C2orf80: variants seen among roughly 807,000 people sequenced by gnomAD.
C2orf80 encodes chromosome 2 open reading frame 80.
C2orf80 carries 28 observed loss-of-function variants against 30.2 expected under a neutral mutation model. That is an observed-to-expected ratio of 0.93 (90% CI 0.69 to 1.27). The LOEUF (loss-of-function observed/expected upper bound fraction) is 1.27. Among genes scored for constraint, C2orf80 ranks in the 50% most tolerant of loss-of-function variants. The probability of loss-of-function intolerance (pLI) is 0.00; values close to 1 mark genes in which losing one functional copy is unlikely to be tolerated. For synonymous variants in C2orf80, 80 were observed against 76.4 expected (o/e 1.05, Z -0.24); for missense variants, 220 against 231.0 (o/e 0.95, Z 0.31).
At chr2:208,166,485 A>G (rs564892048) in intron 8 of C2orf80, among the ~76,000 whole-genome samples, 96 of 152,334 alleles carry the variant, frequency 6.3e-4, no homozygotes, top group Non-Finnish European at 1.1e-3. Context: ...TTGGCCTTTT[A>G]GCAGTTATGT....
chr2:208,187,125 A>T, intron 1 of C2orf80, 64 bp from the exon 2 acceptor site: 1 of 755,946 alleles, frequency 1.3e-6, no homozygotes, highest in Admixed American at 2.5e-5. Flanking sequence ...CCAGTCATGG[A>T]GTCCTAGGCT....
At chr2:208,176,398 A>T (rs1017699948) in intron 6 of C2orf80, among the ~76,000 whole-genome samples, 4 of 151,936 alleles carry the variant, frequency 2.6e-5, no homozygotes, top group Admixed American at 6.6e-5. Context: ...CTGGCCTCGA[A>T]CTCCTGACCT....
chr2:208,176,730 G>A (rs548057172), intron 6 of C2orf80, among the ~76,000 whole-genome samples: 4 of 151,944 alleles, frequency 2.6e-5, no homozygotes, highest in South Asian at 4.1e-4. Context: ...GAATTACAGA[G>A]GTTAGAACAT....
At chr2:208,183,818 C>A (rs1696635982) in intron 3 of C2orf80, among the ~76,000 whole-genome samples, 2 of 152,210 alleles carry the variant, frequency 1.3e-5, no homozygotes, top group South Asian at 2.1e-4. Context: ...AGAACCAATG[C>A]GGAGGCTTAT....
intron 4 of C2orf80, among the ~76,000 whole-genome samples, 187 bp from the exon 5 acceptor site, chr2:208,181,492 T>A (rs1366035789): frequency 6.6e-6 from 1 of 152,196 alleles, no homozygotes; most frequent in Non-Finnish European, 1.5e-5. Context: ...AATCTTCCAA[T>A]AATGGTGATG....
At chr2:208,187,789 T>G (rs993443595) in intron 1 of C2orf80, among the ~76,000 whole-genome samples, 2 of 151,026 alleles carry the variant, frequency 1.3e-5, no homozygotes, top group African/African-American at 2.4e-5. Context: ...TTTCTGGTGT[T>G]TTTTTTTTAA....
At chr2:208,176,270 G>T (rs1453034529) in intron 6 of C2orf80, among the ~76,000 whole-genome samples, 1 of 152,010 alleles carries the variant, frequency 6.6e-6, no homozygotes, top group Non-Finnish European at 1.5e-5. Context: ...CTGCCTCCTG[G>T]GTTCCAGCAA....
At chr2:208,181,753 T>TGTC (rs1373695841) in intron 4 of C2orf80, among the ~76,000 whole-genome samples, 1 of 152,090 alleles carries the variant, frequency 6.6e-6, no homozygotes, top group Non-Finnish European at 1.5e-5. Context: ...GCGCTGCCAC[T>TGTC]GTCCAACCCT....
chr2:208,177,519 C>T (rs980727320), intron 6 of C2orf80, among the ~76,000 whole-genome samples: 2 of 151,796 alleles, frequency 1.3e-5, no homozygotes, highest in African/African-American at 2.4e-5. Context: ...CCAGCCTGGG[C>T]AACAATAGGG....
At chr2:208,181,126 T>C in intron 5 of C2orf80, 92 bp downstream of exon 5, 1 of 966,450 alleles carries the variant, frequency 1.0e-6, no homozygotes, top group Non-Finnish European at 1.6e-6. Flanking sequence ...TTAGAAACAT[T>C]GGTTGAAAAA....
In C2orf80 at chr2:208,165,646, T is replaced by C. The variant is rs1574350182; in HGVS notation, c.*161A>G. 1.1e-6 allele frequency: 1 copy of C among 884,504 alleles called. No homozygotes were observed. Among genetic ancestry groups the C allele is most frequent in the Non-Finnish European group, 1.7e-6 (1 of 601,982 alleles). The allele number at this position is 884,504 out of a possible 1,614,324, so 54.8% of individuals were successfully genotyped here. ...AAAATGTAGCCATGCAATATGCTTC[T>C]AAAAGAAGAAAGCTCAACATCAAAA... On this transcript the variant is annotated 3_prime_UTR_variant, in exon 9 of 9. Transcript: ENST00000341287.
intron 6 of C2orf80, among the ~76,000 whole-genome samples, chr2:208,174,072 C>T (rs1316969806): frequency 6.6e-6 from 1 of 152,104 alleles, no homozygotes; most frequent in African/African-American, 2.4e-5. Context: ...CCCATCTCGA[C>T]CTCCCAAGAA....
intron 6 of C2orf80, among the ~76,000 whole-genome samples, chr2:208,176,974 TATA>T (rs1559340673): frequency 4.5e-4 from 34 of 76,324 alleles, no homozygotes; most frequent in African/African-American, 1.4e-3. Context: ...TGTATACATA[TATA>T]CAGAAATGTA....
Position 208,184,941 on chromosome 2 carries a change from C to T in C2orf80, c.123+10G>A, listed in dbSNP as rs367613853. 11 of 1,610,664 alleles carry T rather than the reference C, an allele frequency of 6.8e-6. No individual in the cohort carries two copies. The African/African-American group carries it at 1.1e-4, about 16-fold the overall frequency. ...ACAAATATGACTCGCATCAGCGTGC[C>T]TTTCTTTACCATATCATCTAGAAAG... On this transcript the variant is annotated intron_variant, in intron 3 of 8. Coordinates refer to ENST00000341287, the MANE Select transcript of C2orf80 (RefSeq NM_001099334.3).
chr2:208,181,954 G>T (rs952215223), intron 4 of C2orf80, among the ~76,000 whole-genome samples: 1 of 152,120 alleles, frequency 6.6e-6, no homozygotes, highest in Non-Finnish European at 1.5e-5. Flanking sequence ...CCTACCCATG[G>T]ACTTTTCAGA....
chr2:208,176,841 A>G (rs995403582), intron 6 of C2orf80, among the ~76,000 whole-genome samples: 1 of 146,022 alleles, frequency 6.8e-6, no homozygotes, highest in Non-Finnish European at 1.5e-5. Context: ...CCTGCCTCTC[A>G]GATAATATAT....
At position 208,189,951 on chromosome 2, in the gene C2orf80, A is replaced by G. The variant is rs1335427131; in HGVS notation, c.-76+2T>C. On this transcript the variant is annotated splice_donor_variant, in intron 1 of 8. Transcript: ENST00000341287. LOFTEE classifies it low-confidence loss of function (5UTR_SPLICE). ...ACAAATTCCCCTTTGAGAATCGCTC[A>G]CCAACCGGAGACCGGTTCCAGTGCT... The G allele has an allele frequency of 1.4e-6, 1 of 702,856 alleles. No homozygotes were observed. The highest frequency in any genetic ancestry group is 2.6e-6 in the Non-Finnish European group (1 of 384,982). The allele number at this position is 702,856 out of a possible 1,614,324, so 43.5% of individuals were successfully genotyped here. A position where few individuals can be genotyped will look rare whatever the true frequency, so the allele number is the denominator to read the frequency against.
intron 1 of C2orf80, among the ~76,000 whole-genome samples, chr2:208,189,306 C>T (rs772845948): frequency 2.0e-5 from 3 of 152,120 alleles, no homozygotes; most frequent in Non-Finnish European, 4.4e-5. Flanking sequence ...ACAGCTTCGT[C>T]TTAGATCATC....
At chr2:208,179,574 G>C (rs1157578560) in intron 6 of C2orf80, among the ~76,000 whole-genome samples, 1 of 152,174 alleles carries the variant, frequency 6.6e-6, no homozygotes, top group Non-Finnish European at 1.5e-5. Context: ...GCCTCTTCTG[G>C]AGGTATCCAA....
Sources: gnomAD v4.1 joint callset for allele counts (sites outside exome capture counted in the v4.1 genomes callset) on GRCh38, gnomAD v4.1.1 for gene constraint, MANE v1.5 for transcripts, NCBI Gene and HGNC (gene_info 2026-07-23, HGNC 2026-07-21) for gene names.